The following STRADA variants were observed in gnomAD, a reference collection of about 807,000 sequenced individuals.
STRADA encodes the protein STE20-related kinase adapter protein alpha.
Under a neutral mutation model 55.0 loss-of-function variants are expected in STRADA, and 26 were observed. The ratio of observed to expected loss-of-function variants is 0.47; its 90% CI spans 0.35 to 0.66. The LOEUF is 0.66. Ranked by LOEUF, STRADA falls within the 30% of genes least tolerant of loss-of-function variation. The pLI is 0.01. For missense variants in STRADA, 443 were observed against 549.7 expected, an observed-to-expected ratio of 0.81 and a Z score of 1.94; for synonymous variants, 197 against 210.9, an observed-to-expected ratio of 0.93 and a Z score of 0.57.
In STRADA at chr17:63,704,445, G is replaced by T; in HGVS notation, c.996C>A (p.Pro332=). The change falls in exon 11 of 13, where the codon CCC becomes CCA. Residue 332 remains proline, a synonymous_variant. Coordinates refer to ENST00000336174, the MANE Select transcript of STRADA (RefSeq NM_001003787.4). ...AGGGCGAGTCACCGTTGGAGGGCCGGGGGGTGCTGGTGGTCAGGCTGTCAC... is the reference window on the plus strand; with the variant it reads ...AGGGCGAGTCACCGTTGGAGGGCCGTGGGGTGCTGGTGGTCAGGCTGTCAC... ...GLSDSLTTST[P]RPSNGDSPSH... is the part of the protein sequence containing the mutation. 6.2e-7 allele frequency: 1 copy of T among 1,613,004 alleles called. No individual in the cohort carries two copies. The highest frequency in any genetic ancestry group is 8.5e-7 in the Non-Finnish European group (1 of 1,179,886).
Position 63,703,436 on chromosome 17 carries a change from T to C in STRADA, c.*163A>G. 1.5e-6 allele frequency: 1 copy of C among 675,648 alleles called. No homozygotes were observed. The highest frequency in any genetic ancestry group is 2.0e-5 in the South Asian group (1 of 50,948). The allele number at this position is 675,648 out of a possible 1,614,324, so 41.9% of individuals were successfully genotyped here. ...AAAAGCCTTGGAGCAGTGAAGTGTC[T>C]CTCCAGGATTTTCTTTCCCAATCAG... is the stretch of plus-strand genomic sequence containing the variant. On this transcript the variant is annotated 3_prime_UTR_variant, in exon 13 of 13. Transcript: ENST00000336174.
At chr17:63,716,389 C>G (rs1355230278) in intron 4 of STRADA, among the ~76,000 whole-genome samples, 1 of 152,142 alleles carries the variant, frequency 6.6e-6, no homozygotes, top group Non-Finnish European at 1.5e-5. Flanking sequence ...AGCCACTGTG[C>G]CCGGCCACAT....
chr17:63,704,400 G>T lies in STRADA; in HGVS notation c.1041C>A (p.Thr347=), dbSNP rs1305614212. 6 of 1,612,772 alleles carry T rather than the reference G, an allele frequency of 3.7e-6. No individual in the cohort carries two copies. The highest frequency in any genetic ancestry group is 4.2e-6 in the Non-Finnish European group (5 of 1,179,678). ...CAAAGTGGTGGAAGTGGGGGGAGAAGGTTCGGTGGTAGGGGTGGGAGGGCG... is the reference window on the plus strand; with the variant it reads ...CAAAGTGGTGGAAGTGGGGGGAGAATGTTCGGTGGTAGGGGTGGGAGGGCG... The part of the protein sequence containing the change: ...GDSPSHPYHR[T]FSPHFHHFVE... Residue 347 remains threonine, a synonymous_variant, in exon 11 of 13, where the codon ACC becomes ACA. Transcript: ENST00000336174.
In STRADA at chr17:63,707,079, C is replaced by T. The variant is rs559533303; in HGVS notation, c.753+168G>A. 2.0e-4 allele frequency among the ~76,000 whole-genome samples: 31 copies of T among 152,298 alleles called. No homozygotes were observed. In the South Asian group the frequency reaches 6.4e-3, roughly 32 times the overall value. The stretch of plus-strand genomic sequence containing the variant: ...GAGGTTAGGACCCCCTGGGAGGAAC[C>T]ACATCCATCTGCAGTGGACAGGCGC... On this transcript the variant is annotated intron_variant, in intron 9 of 12. Transcript: ENST00000336174.
chr17:63,726,848 A>G (rs1049395678), intron 2 of STRADA, 153 bp from the exon 3 acceptor site: 5 of 676,962 alleles, frequency 7.4e-6, no homozygotes, highest in Admixed American at 3.1e-5. Context: ...TTTTAACAGA[A>G]TCTTGAACTA....
At chr17:63,735,182 C>G (rs942735825) in intron 1 of STRADA, among the ~76,000 whole-genome samples, 26 of 152,076 alleles carry the variant, frequency 1.7e-4, no homozygotes, top group African/African-American at 5.3e-4. Context: ...CTAATTTCAC[C>G]CATAATGTTA....
chr17:63,705,519 TG>T (rs1489537764), intron 10 of STRADA: 1 of 157,358 alleles, frequency 6.4e-6, no homozygotes, highest in Non-Finnish European at 1.4e-5. Flanking sequence ...ACTGAGCTAC[TG>T]GATCTAATCC....
intron 1 of STRADA, among the ~76,000 whole-genome samples, chr17:63,739,893 G>A (rs2038762871): frequency 6.9e-6 from 1 of 144,866 alleles, no homozygotes; most frequent in Non-Finnish European, 1.5e-5. Context: ...ACGAAGGCCC[G>A]GGCCTGGGGA....
In STRADA at chr17:63,703,415, G is replaced by A; in HGVS notation, c.*184C>T. 5 of 612,880 alleles carry A rather than the reference G, an allele frequency of 8.2e-6. No individual in the cohort carries two copies. Among genetic ancestry groups the A allele is most frequent in the Admixed American group, 3.1e-5 (1 of 31,906 alleles). The allele number at this position is 612,880 out of a possible 1,614,324, so 38.0% of individuals were successfully genotyped here. ...GTTGAGATTCCCTTGTGTCTCAAAA[G>A]CCTTGGAGCAGTGAAGTGTCTCTCC... On this transcript the variant is annotated 3_prime_UTR_variant, in exon 13 of 13. Transcript: ENST00000336174.
At chr17:63,714,177 G>A in intron 4 of STRADA, 69 bp from the exon 5 acceptor site, 1 of 1,204,726 alleles carries the variant, frequency 8.3e-7, no homozygotes, top group East Asian at 2.4e-5. Flanking sequence ...GGTGAAGGTG[G>A]TAATTCAGAC....
At chr17:63,733,995 A>G (rs578178579) in intron 1 of STRADA, among the ~76,000 whole-genome samples, 2 of 152,324 alleles carry the variant, frequency 1.3e-5, no homozygotes, top group East Asian at 3.9e-4. Flanking sequence ...CTGTTGAAAT[A>G]AATCCTAGCC....
rs747631744 is a variant in STRADA, at chr17:63,704,312, G to A, written c.1100+29C>T. 44 of 1,609,786 alleles carry A rather than the reference G, an allele frequency of 2.7e-5. No individual in the cohort carries two copies. Among genetic ancestry groups the A allele is most frequent in the Middle Eastern group, 1.9e-4 (1 of 5,264 alleles). On this transcript the variant is annotated intron_variant, in intron 11 of 12. Coordinates refer to ENST00000336174, the MANE Select transcript of STRADA (RefSeq NM_001003787.4). ...CCTCCTGAGCACCCTCTGCTCTCCC[G>A]AAGCCCAGGCCCAGGCCAGCAGGGA... is the stretch of plus-strand genomic sequence containing the variant.
At chr17:63,713,944 G>C (rs1478328094) in intron 5 of STRADA, 62 bp downstream of exon 5, 1 of 1,393,776 alleles carries the variant, frequency 7.2e-7, no homozygotes, top group African/African-American at 1.4e-5. Flanking sequence ...TGGGGCTGCT[G>C]AGAAAGCTGC....
At chr17:63,725,247 CAAAAT>C (rs2144116786) in intron 3 of STRADA, among the ~76,000 whole-genome samples, 1 of 152,168 alleles carries the variant, frequency 6.6e-6, no homozygotes, top group South Asian at 2.1e-4. Context: ...AAAACAACAA[CAAAAT>C]AAAACAAGAC....
At chr17:63,713,554 C>T in intron 5 of STRADA, 27 bp from the exon 6 acceptor site, 1 of 1,606,488 alleles carries the variant, frequency 6.2e-7, no homozygotes, top group Non-Finnish European at 8.5e-7. Flanking sequence ...ATGCCATACG[C>T]AAGGACAAGA....
chr17:63,724,391 CCTCAGTCTT>C (rs1164234020), intron 3 of STRADA, among the ~76,000 whole-genome samples: 13 of 151,904 alleles, frequency 8.6e-5, no homozygotes, highest in African/African-American at 2.9e-4. Flanking sequence ...GATCTGCCTG[CCTCAGTCTT>C]CCAAAATGCT....
intron 10 of STRADA, chr17:63,705,032 A>C (rs1309346200): frequency 1.0e-6 from 1 of 967,738 alleles, no homozygotes; most frequent in African/African-American, 1.6e-5. Context: ...TCGCTGCAGC[A>C]GGCCACACGG....
intron 4 of STRADA, among the ~76,000 whole-genome samples, chr17:63,720,643 G>A (rs1197971792): frequency 2.0e-5 from 3 of 151,734 alleles, no homozygotes; most frequent in Admixed American, 6.6e-5. Flanking sequence ...GCATGGCAGC[G>A]GGCACCTGCA....
chr17:63,714,505 G>A (rs568818975), intron 4 of STRADA: 1 of 286,268 alleles, frequency 3.5e-6, no homozygotes, highest in Non-Finnish European at 6.8e-6. Flanking sequence ...GATGCATTAG[G>A]ATCCTATTTT....
Sources: allele counts gnomAD v4.1 joint callset (sites outside exome capture counted in the v4.1 genomes callset), GRCh38; gene constraint gnomAD v4.1.1; transcripts MANE v1.5; gene names NCBI Gene and HGNC (gene_info 2026-07-23, HGNC 2026-07-21).